THADA: variants seen among roughly 807,000 people sequenced by gnomAD.
THADA encodes the protein THADA armadillo repeat containing.
In THADA, 213 loss-of-function variants were observed where a neutral mutation model predicts 219.8. The observed-to-expected ratio is 0.97, with a 90% CI of 0.87 to 1.09. THADA has a LOEUF of 1.09. THADA is among the 50% of genes least tolerant of loss of function. THADA has a pLI of 0.00. For synonymous variants in THADA, 1,018 were observed against 828.9 expected, an observed-to-expected ratio of 1.23 and a Z score of -3.92; for missense variants, 2,956 against 2,311.3, an observed-to-expected ratio of 1.28 and a Z score of -5.72.
chr2:43,429,875 A>C (rs1443510966), intron 27 of THADA, among the ~76,000 whole-genome samples: 1 of 150,934 alleles, frequency 6.6e-6, no homozygotes, highest in East Asian at 1.9e-4. Context: ...ATTTTATGCA[A>C]GGAAGCAGTC....
rs1183638777 is a variant in THADA at position 43,549,318 on chromosome 2, T to C, written c.2998A>G (p.Thr1000Ala). 1 of 1,602,508 alleles carries C rather than the reference T, an allele frequency of 6.2e-7. No homozygotes were observed. Residue 1000 changes from threonine (T) to alanine (A), a missense_variant, in exon 20 of 38, where the codon ACT becomes GCT. Thr to Ala is a moderately conservative substitution (Grantham distance 58, BLOSUM62 0). Coordinates refer to ENST00000405975, the MANE Select transcript of THADA (RefSeq NM_022065.5). Reference sequence around the variant, plus strand: ...TTGGCTTGGTTAAAATAATCATTAGTATCTCGAGGCTGAATCTCATTCAGA... The same window carrying C: ...TTGGCTTGGTTAAAATAATCATTAGCATCTCGAGGCTGAATCTCATTCAGA... ...MILNEIQPRD[T>A]NDYFNQAKIL...
At chr2:43,566,435 G>A (rs1008529804) in intron 15 of THADA, 2 of 713,580 alleles carry the variant, frequency 2.8e-6, no homozygotes, top group African/African-American at 1.8e-5. Flanking sequence ...TGAGGTAATA[G>A]CTGGAACTCT....
At chr2:43,249,893 T>C (rs1053571111) in intron 36 of THADA, among the ~76,000 whole-genome samples, 7 of 152,208 alleles carry the variant, frequency 4.6e-5, no homozygotes, top group African/African-American at 1.7e-4. Flanking sequence ...AATGATGACA[T>C]TGTGCCAATT....
chr2:43,514,605 T>C (rs1332632384), intron 22 of THADA, among the ~76,000 whole-genome samples: 2 of 95,082 alleles, frequency 2.1e-5, no homozygotes, highest in African/African-American at 9.5e-5. Context: ...ATATTTTATA[T>C]ATATTTTATA....
chr2:43,545,506 G>T (rs1695904428), intron 20 of THADA, among the ~76,000 whole-genome samples: 1 of 152,070 alleles, frequency 6.6e-6, no homozygotes, highest in Non-Finnish European at 1.5e-5. Flanking sequence ...TCTGGTCCTG[G>T]ACTCTTTTTG....
At chr2:43,303,182 G>A (rs1676461877) in intron 31 of THADA, among the ~76,000 whole-genome samples, 1 of 152,156 alleles carries the variant, frequency 6.6e-6, no homozygotes, top group Non-Finnish European at 1.5e-5. Flanking sequence ...ACTGAGGAGT[G>A]TTTTGCATAA....
chr2:43,497,087 T>C (rs758143048), intron 25 of THADA, among the ~76,000 whole-genome samples: 4 of 152,186 alleles, frequency 2.6e-5, no homozygotes, highest in Non-Finnish European at 5.9e-5. Flanking sequence ...ACACTGTTGG[T>C]GGAAATGTAA....
At chr2:43,479,879 A>C (rs1167230248) in intron 26 of THADA, among the ~76,000 whole-genome samples, 12 of 152,232 alleles carry the variant, frequency 7.9e-5, no homozygotes. Flanking sequence ...CCAGATAAAG[A>C]ATCTTAAAGT....
intron 21 of THADA, among the ~76,000 whole-genome samples, chr2:43,539,983 G>T (rs967787132): frequency 6.6e-6 from 1 of 152,074 alleles, no homozygotes; most frequent in Non-Finnish European, 1.5e-5. Flanking sequence ...CCCTTAATTT[G>T]TTTTTTAAAC....
intron 25 of THADA, among the ~76,000 whole-genome samples, chr2:43,487,669 G>T (rs1687078020): frequency 6.6e-6 from 1 of 152,144 alleles, no homozygotes; most frequent in Non-Finnish European, 1.5e-5. Context: ...AGTCATGGGG[G>T]TAGAGCTCTC....
At chr2:43,245,547 T>C (rs1572749863) in intron 36 of THADA, among the ~76,000 whole-genome samples, 1 of 152,212 alleles carries the variant, frequency 6.6e-6, no homozygotes, top group East Asian at 1.9e-4. Context: ...CTGAGTTCTT[T>C]GTGAAGCTTC....
chr2:43,478,182 A>G (rs750598321), intron 26 of THADA, among the ~76,000 whole-genome samples: 1 of 152,212 alleles, frequency 6.6e-6, no homozygotes, highest in South Asian at 2.1e-4. Flanking sequence ...GGAGTATTCA[A>G]TGAAAAAATT....
chr2:43,242,196 G>A (rs1668691622), intron 36 of THADA, among the ~76,000 whole-genome samples: 1 of 152,188 alleles, frequency 6.6e-6, no homozygotes, highest in African/African-American at 2.4e-5. Context: ...TCCTTTCCCA[G>A]GACTGTCTAT....
chr2:43,524,668 A>G (rs1692933199), intron 22 of THADA, among the ~76,000 whole-genome samples: 1 of 152,232 alleles, frequency 6.6e-6, no homozygotes, highest in South Asian at 2.1e-4. Context: ...TGTTCTCTGC[A>G]AAACATTCTG....
chr2:43,450,662 A>T (rs1682199401), intron 26 of THADA, among the ~76,000 whole-genome samples: 1 of 152,228 alleles, frequency 6.6e-6, no homozygotes, highest in Admixed American at 6.5e-5. Context: ...GATTAAACTC[A>T]CCAACCACAA....
At chr2:43,384,878 G>A (rs1395862081) in intron 29 of THADA, among the ~76,000 whole-genome samples, 2 of 152,166 alleles carry the variant, frequency 1.3e-5, no homozygotes, top group Non-Finnish European at 2.9e-5. Flanking sequence ...AGTGGCTCAC[G>A]CCTGTAATTC....
intron 15 of THADA, chr2:43,566,335 A>G (rs1172205920): frequency 1.7e-6 from 1 of 574,488 alleles, no homozygotes. Flanking sequence ...ACTGAGAAAT[A>G]TTAAATATAA....
At chr2:43,408,050 T>A (rs1675800195) in intron 28 of THADA, among the ~76,000 whole-genome samples, 1 of 152,268 alleles carries the variant, frequency 6.6e-6, no homozygotes, top group African/African-American at 2.4e-5. Context: ...TGTTTCCTAC[T>A]GCTCTAACTA....
At chr2:43,389,156 A>G (rs1446817692) in intron 29 of THADA, among the ~76,000 whole-genome samples, 1 of 152,178 alleles carries the variant, frequency 6.6e-6, no homozygotes, top group Non-Finnish European at 1.5e-5. Flanking sequence ...CCAAAATAAC[A>G]CAGCTAGTAA....
Sources: allele counts gnomAD v4.1 joint callset (sites outside exome capture counted in the v4.1 genomes callset), GRCh38; gene constraint gnomAD v4.1.1; transcripts MANE v1.5; gene names NCBI Gene and HGNC (gene_info 2026-07-23, HGNC 2026-07-21).